The following CTDSPL2 variants were observed in gnomAD, a reference collection of about 807,000 sequenced individuals.
CTDSPL2 encodes the protein CTD small phosphatase-like protein 2.
A neutral mutation model predicts 60.0 loss-of-function variants in CTDSPL2; 5 were observed. That is an observed-to-expected ratio of 0.08 (90% CI 0.04 to 0.18). The LOEUF (loss-of-function observed/expected upper bound fraction) is 0.18. CTDSPL2 is among the 10% of genes least tolerant of loss of function. CTDSPL2 has a pLI of 1.00. For missense variants in CTDSPL2, 370 were observed against 548.8 expected, an observed-to-expected ratio of 0.67 and a Z score of 3.26; for synonymous variants, 186 against 189.3, an observed-to-expected ratio of 0.98 and a Z score of 0.14.
chr15:44,453,294 A>G (rs1363508670), intron 1 of CTDSPL2, among the ~76,000 whole-genome samples: 1 of 151,936 alleles, frequency 6.6e-6, no homozygotes, highest in Non-Finnish European at 1.5e-5. Context: ...ATACCTTTTT[A>G]TTATGTTGAG....
chr15:44,501,374 G>A (rs2081378818), intron 8 of CTDSPL2, among the ~76,000 whole-genome samples: 2 of 152,036 alleles, frequency 1.3e-5, no homozygotes, highest in Non-Finnish European at 2.9e-5. Context: ...TAGTGAATAA[G>A]AAACTTAAGT....
chr15:44,451,859 A>T (rs528844497), intron 1 of CTDSPL2, among the ~76,000 whole-genome samples: 2 of 152,306 alleles, frequency 1.3e-5, no homozygotes, highest in Admixed American at 1.3e-4. Flanking sequence ...AGCTTGGCTT[A>T]CTAAAGCATA....
chr15:44,450,145 T>C (rs2141319394), intron 1 of CTDSPL2, among the ~76,000 whole-genome samples: 1 of 152,294 alleles, frequency 6.6e-6, no homozygotes, highest in Middle Eastern at 3.4e-3. Flanking sequence ...AAGAGCATTT[T>C]TCAATTTTAG....
chr15:44,460,240 A>C (rs953144711), intron 2 of CTDSPL2, among the ~76,000 whole-genome samples: 1 of 152,082 alleles, frequency 6.6e-6, no homozygotes, highest in Non-Finnish European at 1.5e-5. Flanking sequence ...CCTCCCGAGT[A>C]GCTGGGACTA....
At chr15:44,509,995 T>G (rs2081538536) in intron 8 of CTDSPL2, among the ~76,000 whole-genome samples, 2 of 149,412 alleles carry the variant, frequency 1.3e-5, no homozygotes, top group African/African-American at 2.4e-5. Flanking sequence ...CACAACACCT[T>G]TTTTTTTTTG....
chr15:44,462,078 A>C (rs1172808198), intron 2 of CTDSPL2, among the ~76,000 whole-genome samples: 2 of 152,110 alleles, frequency 1.3e-5, no homozygotes, highest in African/African-American at 4.8e-5. Flanking sequence ...AGTAGCTGGG[A>C]CTACAGGCTT....
intron 4 of CTDSPL2, among the ~76,000 whole-genome samples, chr15:44,489,646 G>A (rs1327969706): frequency 1.3e-5 from 2 of 152,166 alleles, no homozygotes; most frequent in Non-Finnish European, 1.5e-5. Flanking sequence ...GCTGAAGAGG[G>A]CAAGAACTTT....
At chr15:44,474,138 C>T (rs2080865169) in intron 2 of CTDSPL2, among the ~76,000 whole-genome samples, 1 of 152,128 alleles carries the variant, frequency 6.6e-6, no homozygotes, top group African/African-American at 2.4e-5. Context: ...TGTTAAGACT[C>T]ATATATAAAG....
intron 1 of CTDSPL2, among the ~76,000 whole-genome samples, chr15:44,443,157 C>A (rs2080127374): frequency 6.6e-6 from 1 of 152,194 alleles, no homozygotes; most frequent in Non-Finnish European, 1.5e-5. Flanking sequence ...TACCATCTGT[C>A]TCCAGAACTT....
intron 4 of CTDSPL2, among the ~76,000 whole-genome samples, chr15:44,488,122 AAAAG>A (rs1256283604): frequency 1.1e-4 from 17 of 152,154 alleles, no homozygotes; most frequent in Non-Finnish European, 2.1e-4. Flanking sequence ...AAAAAAAAAA[AAAAG>A]AAAAAGGAAT....
At chr15:44,491,027 C>T in intron 5 of CTDSPL2, 28 bp downstream of exon 5, 1 of 1,495,614 alleles carries the variant, frequency 6.7e-7, no homozygotes, top group Non-Finnish European at 9.3e-7. Flanking sequence ...TCTTATACAT[C>T]TTCATGAGTA....
chr15:44,477,929 C>G (rs992830548), intron 2 of CTDSPL2, among the ~76,000 whole-genome samples: 4 of 151,910 alleles, frequency 2.6e-5, no homozygotes, highest in Non-Finnish European at 5.9e-5. Context: ...AGGATTTTAT[C>G]TGGTACTATT....
intron 1 of CTDSPL2, among the ~76,000 whole-genome samples, chr15:44,428,249 C>A (rs1199398127): frequency 6.6e-6 from 1 of 152,144 alleles, no homozygotes; most frequent in African/African-American, 2.4e-5. Context: ...AGGGATTTGA[C>A]TAAGTTCTGT....
In CTDSPL2 at chr15:44,525,745, A is replaced by G. The variant is rs370478376; in HGVS notation, c.*1571A>G. On this transcript the variant is annotated 3_prime_UTR_variant, in exon 13 of 13. Coordinates refer to ENST00000260327, the MANE Select transcript of CTDSPL2 (RefSeq NM_016396.3). ...AAAATAAGGAAATCTTTTTAGGAAA[A>G]CATTTAATTTTTGTATTTTTGATTT... 3.0e-6 allele frequency: 1 copy of G among 338,148 alleles called. No homozygotes were observed. Among genetic ancestry groups the G allele is most frequent in the East Asian group, 4.4e-5 (1 of 22,492 alleles). 20.9% of individuals were successfully genotyped at this position (338,148 alleles called of 1,614,324 possible). A position where few individuals can be genotyped will look rare whatever the true frequency, so the allele number is the denominator to read the frequency against.
At chr15:44,457,951 A>G (rs970075553) in intron 1 of CTDSPL2, among the ~76,000 whole-genome samples, 2 of 152,088 alleles carry the variant, frequency 1.3e-5, no homozygotes, top group African/African-American at 4.8e-5. Flanking sequence ...TTTTTTTTCT[A>G]TGATTGTTTT....
intron 1 of CTDSPL2, among the ~76,000 whole-genome samples, chr15:44,456,754 C>G (rs1006722148): frequency 2.0e-5 from 3 of 147,620 alleles, no homozygotes; most frequent in African/African-American, 7.5e-5. Context: ...CAGTTCTGCT[C>G]TGATCTTAGT....
intron 2 of CTDSPL2, among the ~76,000 whole-genome samples, chr15:44,479,971 T>A (rs1239463649): frequency 6.6e-6 from 1 of 152,214 alleles, no homozygotes; most frequent in Non-Finnish European, 1.5e-5. Flanking sequence ...TTTTAAATAT[T>A]GGTGATGCTT....
At chr15:44,458,364 T>C (rs2080492155) in intron 1 of CTDSPL2, among the ~76,000 whole-genome samples, 2 of 152,336 alleles carry the variant, frequency 1.3e-5, no homozygotes, top group Non-Finnish European at 2.9e-5. Context: ...ATGAGAGAGC[T>C]CAAATAAATA....
intron 3 of CTDSPL2, 38 bp from the exon 4 acceptor site, chr15:44,486,513 T>C (rs1263318344): frequency 2.1e-6 from 3 of 1,420,274 alleles, no homozygotes; most frequent in Admixed American, 5.0e-5. Flanking sequence ...AAATTCAGTG[T>C]TTTCTAGATC....
Sources: allele counts gnomAD v4.1 joint callset (sites outside exome capture counted in the v4.1 genomes callset), GRCh38; gene constraint gnomAD v4.1.1; transcripts MANE v1.5; gene names NCBI Gene and HGNC (gene_info 2026-07-23, HGNC 2026-07-21).